LDLRAD4: variants seen among roughly 807,000 people sequenced by gnomAD.
LDLRAD4 encodes low density lipoprotein receptor class A domain containing 4.
LDLRAD4 carries 5 observed loss-of-function variants against 17.0 expected under a neutral mutation model. The ratio of observed to expected loss-of-function variants is 0.29; its 90% CI spans 0.15 to 0.62. The LOEUF (loss-of-function observed/expected upper bound fraction) is 0.62, where lower values mean the gene tolerates loss of function less well. LDLRAD4 is among the 20% of genes least tolerant of loss of function. The probability of loss-of-function intolerance (pLI) is 0.84; values close to 1 mark genes in which losing one functional copy is unlikely to be tolerated. For missense variants in LDLRAD4, 340 were observed against 424.7 expected (o/e 0.80, Z 1.75); for synonymous variants, 168 against 171.8 (o/e 0.98, Z 0.17).
At chr18:13,613,012 G>A (rs2039748350) in intron 3 of LDLRAD4, 1 of 507,562 alleles carries the variant, frequency 2.0e-6, no homozygotes, top group Non-Finnish European at 3.5e-6. Context: ...GTTCCTGTTG[G>A]AGGTGTTATG....
intron 3 of LDLRAD4, among the ~76,000 whole-genome samples, chr18:13,450,488 G>A (rs2146368318): frequency 6.6e-6 from 1 of 152,346 alleles, no homozygotes; most frequent in Middle Eastern, 3.4e-3. Context: ...TATATGCTGA[G>A]TAATACAAAA....
rs182096965 is a variant in LDLRAD4 at position 13,307,444 on chromosome 18, G to T, written c.-383+29256G>T. ...AAAAAAAAATTTTTTAAGAGACAGGGTCTTGCAGTGTTGCCCAGGCTGAGT... is the reference window on the plus strand; with the variant it reads ...AAAAAAAAATTTTTTAAGAGACAGGTTCTTGCAGTGTTGCCCAGGCTGAGT... On this transcript the variant is annotated intron_variant, in intron 1 of 5. Coordinates refer to ENST00000359446, the Ensembl canonical transcript of LDLRAD4. Among the ~76,000 whole-genome samples, 368 of 152,146 alleles carry T rather than the reference G, an allele frequency of 2.4e-3. 4 individuals carry two copies. The South Asian group carries it at 0.032, about 13-fold the overall frequency.
At chr18:13,382,654 T>C (rs2085465657) in intron 1 of LDLRAD4, 1 of 152,342 alleles carries the variant, frequency 6.6e-6, no homozygotes, top group Admixed American at 6.5e-5. Flanking sequence ...TGCATGTGTG[T>C]GCGTGTGTGT....
Position 13,612,553 on chromosome 18 carries a change from C to A in LDLRAD4, c.182-8564C>A, listed in dbSNP as rs978560264. ...GAGGCAGACAGAAACACACCCCCCC[C>A]CCCTCCACGCTCACACACTCTCCCA... On this transcript the variant is annotated intron_variant, in intron 3 of 5. Coordinates refer to ENST00000359446, the Ensembl canonical transcript of LDLRAD4. 113 of 1,450,576 alleles carry A rather than the reference C, an allele frequency of 7.8e-5. 1 individual carries two copies. The highest frequency in any genetic ancestry group is 2.0e-4 in the Admixed American group (8 of 40,014). The allele number at this position is 1,450,576 out of a possible 1,614,324, so 89.9% of individuals were successfully genotyped here. A position where few individuals can be genotyped will look rare whatever the true frequency, so the allele number is the denominator to read the frequency against.
intron 1 of LDLRAD4, among the ~76,000 whole-genome samples, chr18:13,376,300 A>G (rs898142819): frequency 1.3e-5 from 2 of 152,168 alleles, no homozygotes; most frequent in East Asian, 3.9e-4. Flanking sequence ...AAAAAGAAAA[A>G]TCTAAAGAAG....
At chr18:13,512,340 G>A (rs906476476) in intron 3 of LDLRAD4, among the ~76,000 whole-genome samples, 18 of 152,178 alleles carry the variant, frequency 1.2e-4, no homozygotes, top group Admixed American at 1.1e-3. Context: ...GTCATCTGTG[G>A]CCTCCTTTCC....
rs1384253972 is a variant in LDLRAD4, at chr18:13,643,470, G to T, written c.390+58G>T. 7.6e-5 allele frequency: 51 copies of T among 671,572 alleles called. No homozygotes were observed. The African/African-American group carries it at 8.8e-4, about 12-fold the overall frequency. The allele number at this position is 671,572 out of a possible 1,614,324, so 41.6% of individuals were successfully genotyped here. On this transcript the variant is annotated intron_variant, in intron 5 of 5. Coordinates refer to ENST00000359446, the Ensembl canonical transcript of LDLRAD4. ...GGCGGGGGGGGTGGGTGGGGATGAA[G>T]GGGGCGTGTCCCTGCCACGTGGGGT...
chr18:13,595,597 C>T (rs553564525), intron 3 of LDLRAD4, among the ~76,000 whole-genome samples: 1 of 152,288 alleles, frequency 6.6e-6, no homozygotes, highest in East Asian at 1.9e-4. Flanking sequence ...CAACCTCCCA[C>T]CTTGGCCCCC....
In LDLRAD4 at chr18:13,576,421, C is replaced by CAA. The variant is rs60116058; in HGVS notation, c.182-44678_182-44677dup. ...TGGGGGACAGAGCGAGACTCTGTCT[C>CAA]AAAAAAAAAAAAAAAAAAAGAAAGA... On this transcript the variant is annotated intron_variant, in intron 3 of 5. Transcript: ENST00000359446. Among the ~76,000 whole-genome samples the CAA allele has an allele frequency of 4.0e-3, 357 of 90,268 alleles. 3 individuals carry two copies. Among genetic ancestry groups the CAA allele is most frequent in the Middle Eastern group, 0.011 (2 of 186 alleles). The allele number at this position is 90,268 out of a possible 152,430, so 59.2% of individuals were successfully genotyped here. A position where few individuals can be genotyped will look rare whatever the true frequency, so the allele number is the denominator to read the frequency against.
chr18:13,352,427 A>G (rs997510163), intron 1 of LDLRAD4, among the ~76,000 whole-genome samples: 2 of 152,144 alleles, frequency 1.3e-5, no homozygotes, highest in African/African-American at 2.4e-5. Flanking sequence ...AAATCCTCAC[A>G]TTGCCTTTGG....
chr18:13,612,938 G>C, intron 3 of LDLRAD4: 1 of 702,358 alleles, frequency 1.4e-6, no homozygotes, highest in Admixed American at 2.8e-5. Flanking sequence ...ATTTCCGGGT[G>C]GGACTCCCTT....
At chr18:13,565,769 G>A (rs1403464216) in intron 3 of LDLRAD4, among the ~76,000 whole-genome samples, 2 of 152,232 alleles carry the variant, frequency 1.3e-5, no homozygotes, top group Non-Finnish European at 2.9e-5. Context: ...GTGTGTGGAG[G>A]GGAATTGGGA....
chr18:13,298,553 C>T (rs996258332), intron 1 of LDLRAD4, among the ~76,000 whole-genome samples: 4 of 147,226 alleles, frequency 2.7e-5, no homozygotes, highest in Non-Finnish European at 4.5e-5. Flanking sequence ...GATGGAGCTG[C>T]TCTGGGCACG....
intron 3 of LDLRAD4, among the ~76,000 whole-genome samples, chr18:13,583,692 C>T (rs1181420165): frequency 1.3e-5 from 2 of 152,086 alleles, no homozygotes; most frequent in African/African-American, 4.8e-5. Flanking sequence ...GTGTGGTTTT[C>T]ACTCTTTCAT....
intron 1 of LDLRAD4, among the ~76,000 whole-genome samples, chr18:13,283,674 T>C (rs2045426863): frequency 6.6e-6 from 1 of 152,206 alleles, no homozygotes; most frequent in Non-Finnish European, 1.5e-5. Context: ...TCTGAGCCCT[T>C]CAAACTGATC....
chr18:13,356,205 G>A (rs986907374), intron 1 of LDLRAD4, among the ~76,000 whole-genome samples: 3 of 152,228 alleles, frequency 2.0e-5, no homozygotes, highest in African/African-American at 7.2e-5. Flanking sequence ...AGAGTGCTGG[G>A]ATCTGGGGCA....
At chr18:13,418,558 G>A (rs912162474) in intron 2 of LDLRAD4, among the ~76,000 whole-genome samples, 1 of 152,206 alleles carries the variant, frequency 6.6e-6, no homozygotes, top group Non-Finnish European at 1.5e-5. Context: ...CCCTGTTGCT[G>A]TAGACAGCCC....
At chr18:13,262,195 A>C (rs1486818823) in intron 1 of LDLRAD4, among the ~76,000 whole-genome samples, 1 of 115,202 alleles carries the variant, frequency 8.7e-6, no homozygotes, top group African/African-American at 3.7e-5. Flanking sequence ...TGTGCATGGA[A>C]ACTGAGTCCC....
chr18:13,500,012 C>T (rs778502604), intron 3 of LDLRAD4, among the ~76,000 whole-genome samples: 3 of 152,116 alleles, frequency 2.0e-5, no homozygotes, highest in Non-Finnish European at 4.4e-5. Context: ...CAGGGACTTT[C>T]GGTTTTCTAT....
Sources: gnomAD v4.1 joint callset for allele counts (sites outside exome capture counted in the v4.1 genomes callset) on GRCh38, gnomAD v4.1.1 for gene constraint, MANE v1.5 for transcripts, NCBI Gene and HGNC (gene_info 2026-07-23, HGNC 2026-07-21) for gene names.